The following PPARGC1A variants were observed in gnomAD, a reference collection of about 807,000 sequenced individuals.
PPARGC1A encodes PPARG coactivator 1 alpha, also known as peroxisome proliferator-activated receptor gamma coactivator 1-alpha.
In PPARGC1A, 25 loss-of-function variants were observed where a neutral mutation model predicts 88.7. The observed-to-expected ratio is 0.28, with a 90% CI of 0.21 to 0.39. The LOEUF (loss-of-function observed/expected upper bound fraction) is 0.39. Among genes scored for constraint, PPARGC1A ranks in the 10% least tolerant of loss-of-function variants. The pLI is 1.00. For synonymous variants in PPARGC1A, 363 were observed against 355.6 expected, an observed-to-expected ratio of 1.02 and a Z score of -0.24; for missense variants, 880 against 968.7, an observed-to-expected ratio of 0.91 and a Z score of 1.22.
the PPARGC1A span, among the ~76,000 whole-genome samples, chr4:24,208,727 T>C: frequency 1.3e-5 from 2 of 149,152 alleles, no homozygotes; most frequent in East Asian, 3.9e-4. Context: ...TATATTACAG[T>C]AATACGTATA....
the PPARGC1A span, among the ~76,000 whole-genome samples, chr4:24,068,337 T>C: frequency 2.6e-5 from 4 of 152,130 alleles, no homozygotes; most frequent in South Asian, 2.1e-4. Context: ...GAGAACAGTA[T>C]CTGCAGAAGC....
the PPARGC1A span, among the ~76,000 whole-genome samples, chr4:24,182,251 G>C: frequency 6.6e-6 from 1 of 152,092 alleles, no homozygotes; most frequent in South Asian, 2.1e-4. Flanking sequence ...GCAGTGTTTG[G>C]TTTTCTGTTC....
At chr4:24,114,123 C>CAAAAAA in the PPARGC1A span, among the ~76,000 whole-genome samples, 16 of 60,704 alleles carry the variant, frequency 2.6e-4, no homozygotes, top group Middle Eastern at 0.012. Flanking sequence ...GACTCCATCA[C>CAAAAAA]AAAAAAAAAA....
At chr4:24,382,308 C>T in the PPARGC1A span, among the ~76,000 whole-genome samples, 148,135 of 152,312 alleles carry the variant, frequency 0.97, 72,155 homozygotes, top group East Asian at 1. Flanking sequence ...AACCAAAAAA[C>T]TCTTAAAGAT....
chr4:23,902,389 C>T (rs1258790266), upstream of PPARGC1A, among the ~76,000 whole-genome samples: 1 of 152,166 alleles, frequency 6.6e-6, no homozygotes, highest in Non-Finnish European at 1.5e-5. Flanking sequence ...GCGCTACTCG[C>T]ATCACAATCT....
At chr4:23,817,361 C>T (rs764130102) in intron 7 of PPARGC1A, among the ~76,000 whole-genome samples, 3 of 152,114 alleles carry the variant, frequency 2.0e-5, no homozygotes, top group Non-Finnish European at 4.4e-5. Flanking sequence ...TTACCTCTGT[C>T]ACACATTAGA....
At chr4:23,859,816 A>G (rs367737084) in intron 2 of PPARGC1A, among the ~76,000 whole-genome samples, 899 of 84,288 alleles carry the variant, frequency 0.011, 23 homozygotes, top group South Asian at 0.068. Context: ...AAAATAAAAT[A>G]AAATAAAATA....
At chr4:24,140,063 G>A in the PPARGC1A span, among the ~76,000 whole-genome samples, 1 of 152,170 alleles carries the variant, frequency 6.6e-6, no homozygotes, top group Non-Finnish European at 1.5e-5. Flanking sequence ...TACCATTCCA[G>A]AGGTCATGGG....
the PPARGC1A span, among the ~76,000 whole-genome samples, chr4:24,107,413 C>T: frequency 6.6e-6 from 1 of 152,194 alleles, no homozygotes; most frequent in East Asian, 1.9e-4. Context: ...GACAAAGACA[C>T]ATACTCCAAG....
At chr4:24,109,233 T>G in the PPARGC1A span, among the ~76,000 whole-genome samples, 1 of 149,450 alleles carries the variant, frequency 6.7e-6, no homozygotes, top group Non-Finnish European at 1.5e-5. Context: ...AAATTTCACA[T>G]TTCCCCAACT....
the PPARGC1A span, among the ~76,000 whole-genome samples, chr4:24,030,612 C>G: frequency 3.9e-5 from 6 of 152,190 alleles, no homozygotes; most frequent in Admixed American, 3.3e-4. Context: ...CTCCTGACCA[C>G]AGCACCACCT....
chr4:24,021,357 C>T, the PPARGC1A span, among the ~76,000 whole-genome samples: 3 of 152,168 alleles, frequency 2.0e-5, no homozygotes, highest in African/African-American at 7.2e-5. Context: ...ACACAGGTCA[C>T]TTGCTGGCCC....
the PPARGC1A span, among the ~76,000 whole-genome samples, chr4:24,133,325 A>G: frequency 6.6e-6 from 1 of 152,202 alleles, no homozygotes; most frequent in Non-Finnish European, 1.5e-5. Flanking sequence ...CCAGCAGATG[A>G]ATACACTCTA....
the PPARGC1A span, among the ~76,000 whole-genome samples, chr4:24,295,910 C>G: frequency 6.6e-6 from 1 of 151,028 alleles, no homozygotes; most frequent in South Asian, 2.1e-4. Context: ...CTTTATAACT[C>G]TAGCTCATTT....
chr4:23,861,426 A>T (rs1055686804), intron 2 of PPARGC1A, among the ~76,000 whole-genome samples: 9 of 152,200 alleles, frequency 5.9e-5, no homozygotes, highest in Admixed American at 5.2e-4. Flanking sequence ...TCACAAGTTA[A>T]ATGTCATTCA....
intron 1 of PPARGC1A, among the ~76,000 whole-genome samples, chr4:23,885,268 C>T (rs1038610788): frequency 6.6e-6 from 1 of 152,166 alleles, no homozygotes; most frequent in Non-Finnish European, 1.5e-5. Flanking sequence ...TTGATAGTTA[C>T]TGCTTCCAAA....
At chr4:24,397,164 G>T in the PPARGC1A span, among the ~76,000 whole-genome samples, 1 of 152,070 alleles carries the variant, frequency 6.6e-6, no homozygotes, top group South Asian at 2.1e-4. Flanking sequence ...AATCAAAGAA[G>T]AGTAAATTAA....
At chr4:24,444,774 C>G in the PPARGC1A span, among the ~76,000 whole-genome samples, 1 of 152,062 alleles carries the variant, frequency 6.6e-6, no homozygotes, top group Non-Finnish European at 1.5e-5. Context: ...AACAAAGAGA[C>G]AAAAGCCAGG....
intron 2 of PPARGC1A, among the ~76,000 whole-genome samples, chr4:23,857,410 G>T (rs542073067): frequency 6.8e-6 from 1 of 147,490 alleles, no homozygotes; most frequent in East Asian, 2.0e-4. Flanking sequence ...TAGATTTTAT[G>T]TACTAAATAG....
Sources: allele counts gnomAD v4.1 joint callset (sites outside exome capture counted in the v4.1 genomes callset), GRCh38; gene constraint gnomAD v4.1.1; transcripts MANE v1.5; gene names NCBI Gene and HGNC (gene_info 2026-07-23, HGNC 2026-07-21).